SP2: variants seen among roughly 807,000 people sequenced by gnomAD.
The protein encoded by SP2 is transcription factor Sp2.
A neutral mutation model predicts 50.1 loss-of-function variants in SP2; 9 were observed. The ratio of observed to expected loss-of-function variants is 0.18; its 90% confidence interval spans 0.11 to 0.31. The LOEUF is 0.31. SP2 is among the 10% of genes least tolerant of loss of function. The pLI is 1.00. For synonymous variants in SP2, 313 were observed against 326.6 expected (o/e 0.96, Z 0.45); for missense variants, 581 against 806.5 (o/e 0.72, Z 3.39).
intron 1 of SP2, 164 bp downstream of exon 1, chr17:47,896,457 C>T (rs2034334760): frequency 1.9e-6 from 1 of 538,210 alleles, no homozygotes; most frequent in Non-Finnish European, 2.8e-6. Flanking sequence ...GATTCCCGCC[C>T]GGAGGAGGAG....
At position 47,912,276 on chromosome 17, in the gene SP2, G is replaced by T. The variant is rs903485711; in HGVS notation, c.8-3036G>T. Among the ~76,000 whole-genome samples, 37 of 151,964 alleles carry T rather than the reference G, an allele frequency of 2.4e-4. 1 individual carries two copies. The highest frequency in any genetic ancestry group is 5.0e-4 in the Non-Finnish European group (34 of 67,996). On this transcript the variant is annotated intron_variant, in intron 1 of 6. Transcript: ENST00000376741. ...TTACGGGATCTGCATATATAATTTT[G>T]CCCAGAGCTGCCCTCCAGCTCCATA...
At chr17:47,907,532 T>C (rs1281459483) in intron 1 of SP2, among the ~76,000 whole-genome samples, 2 of 152,196 alleles carry the variant, frequency 1.3e-5, no homozygotes, top group Non-Finnish European at 2.9e-5. Flanking sequence ...TTGGGAAAGT[T>C]TTAGCCAACC....
chr17:47,908,477 T>A (rs2034850786), intron 1 of SP2: 1 of 152,350 alleles, frequency 6.6e-6, no homozygotes, highest in South Asian at 2.1e-4. Flanking sequence ...CTTGTATTTT[T>A]ATCAGCAACA....
chr17:47,911,418 G>A (rs1003237077), intron 1 of SP2, among the ~76,000 whole-genome samples: 6 of 150,926 alleles, frequency 4.0e-5, no homozygotes, highest in Admixed American at 4.0e-4. Context: ...AGTGGTGGGT[G>A]CCTGTAATCC....
intron 3 of SP2, 24 bp from the exon 4 acceptor site, chr17:47,922,937 AT>A (rs750913732): frequency 3.8e-6 from 6 of 1,589,624 alleles, no homozygotes; most frequent in Middle Eastern, 1.7e-4. Context: ...CCAGGCACTG[AT>A]TTTTTTTCTC....
intron 1 of SP2, among the ~76,000 whole-genome samples, chr17:47,912,913 G>A (rs1453660322): frequency 6.6e-6 from 1 of 152,046 alleles, no homozygotes; most frequent in African/African-American, 2.4e-5. Context: ...AGGCTGGAGT[G>A]CAGTGGTACG....
chr17:47,897,979 C>A, intron 1 of SP2: 10 of 554,420 alleles, frequency 1.8e-5, no homozygotes, highest in Non-Finnish European at 2.1e-5. Context: ...GGCTTAACCT[C>A]TTTGGTTAAA....
chr17:47,931,356 A>G (rs1162185385), downstream of SP2, among the ~76,000 whole-genome samples: 1 of 151,926 alleles, frequency 6.6e-6, no homozygotes, highest in Admixed American at 6.6e-5. Flanking sequence ...CAAAAAAAAG[A>G]AAAAAAATCA....
At chr17:47,925,308 C>T in intron 5 of SP2, 40 bp from the exon 6 acceptor site, 1 of 1,574,936 alleles carries the variant, frequency 6.3e-7, no homozygotes, top group Non-Finnish European at 8.7e-7. Context: ...TTTCTCTCCT[C>T]TTCCTATTCC....
chr17:47,912,724 C>T (rs1289814089), intron 1 of SP2, among the ~76,000 whole-genome samples: 2 of 152,076 alleles, frequency 1.3e-5, no homozygotes, highest in African/African-American at 4.8e-5. Context: ...GAATTATAGG[C>T]ACGAGTCACT....
Position 47,915,343 on chromosome 17 carries a change from T to C in SP2, c.39T>C (p.Ala13=), listed in dbSNP as rs750961223. 29 of 1,613,310 alleles carry C rather than the reference T, an allele frequency of 1.8e-5. No homozygotes were observed. The highest frequency in any genetic ancestry group is 5.3e-5 in the African/African-American group (4 of 74,872). ...DPQTSMAATA[A]VSPSDYLQPA... is the part of the protein sequence containing the mutation. ...AGACCAGCATGGCTGCCACTGCTGC[T>C]GTGAGTCCCAGTGACTACCTGCAGC... The change falls in exon 2 of 7, where the codon GCT becomes GCC. Residue 13 remains alanine (A), a synonymous_variant. Transcript: ENST00000376741.
In SP2 at chr17:47,923,034, G is replaced by A. The variant is rs1252263204; in HGVS notation, c.1132G>A (p.Ala378Thr). ...VQDSPPATAA[A>T]TSNTTCSSPA... is the part of the protein sequence containing the mutation. ...GGACAGCCCCCCAGCAACAGCTGCAGCCACCTCTAACACCACCTGTAGCAG... is the reference window on the plus strand; with the variant it reads ...GGACAGCCCCCCAGCAACAGCTGCAACCACCTCTAACACCACCTGTAGCAG... The change falls in exon 4 of 7, where the codon GCC becomes ACC. Residue 378 changes from alanine (A) to threonine (T), a missense_variant. Ala to Thr is a moderately conservative substitution (Grantham distance 58, BLOSUM62 0). This residue lies in a region of SP2 where 397 missense variants were observed against 491.0 expected (regional missense o/e 0.81). Coordinates refer to ENST00000376741, the MANE Select transcript of SP2 (RefSeq NM_003110.6). 6.2e-7 allele frequency: 1 copy of A among 1,614,130 alleles called. No homozygotes were observed. Among genetic ancestry groups the A allele is most frequent in the Non-Finnish European group, 8.5e-7 (1 of 1,180,014 alleles).
At chr17:47,904,287 G>A (rs1376905715) in intron 1 of SP2, among the ~76,000 whole-genome samples, 1 of 149,238 alleles carries the variant, frequency 6.7e-6, no homozygotes, top group East Asian at 2.0e-4. Context: ...AAAAGAAGTA[G>A]AAGTAGCCAT....
chr17:47,909,280 C>G (rs1333293534), intron 1 of SP2, among the ~76,000 whole-genome samples: 1 of 152,190 alleles, frequency 6.6e-6, no homozygotes, highest in East Asian at 1.9e-4. Flanking sequence ...ATTGCAGTAG[C>G]CTTTTTGGCA....
At chr17:47,918,912 T>C (rs2052565268) in intron 3 of SP2, among the ~76,000 whole-genome samples, 1 of 152,170 alleles carries the variant, frequency 6.6e-6, no homozygotes, top group African/African-American at 2.4e-5. Context: ...AGTAGCACAG[T>C]TAAGTAGCAG....
chr17:47,906,222 T>C (rs1016392841), intron 1 of SP2, among the ~76,000 whole-genome samples: 2 of 152,128 alleles, frequency 1.3e-5, no homozygotes, highest in African/African-American at 4.8e-5. Flanking sequence ...GGGTACACTA[T>C]AGGGAGATTT....
chr17:47,901,808 C>T (rs967516266), intron 1 of SP2, among the ~76,000 whole-genome samples: 2 of 152,090 alleles, frequency 1.3e-5, no homozygotes, highest in Non-Finnish European at 2.9e-5. Flanking sequence ...TTCCTAAACT[C>T]GCTTTAGGCC....
chr17:47,899,000 G>C (rs905225437), intron 1 of SP2: 5 of 152,244 alleles, frequency 3.3e-5, no homozygotes, highest in Non-Finnish European at 7.3e-5. Flanking sequence ...TTTCTGGGCT[G>C]ATAAATGGAC....
chr17:47,929,124 A>G (rs1394138020), downstream of SP2, among the ~76,000 whole-genome samples: 2 of 152,236 alleles, frequency 1.3e-5, no homozygotes, highest in Admixed American at 6.5e-5. Context: ...GGCCGCGGCC[A>G]CATATACCTC....
Sources: gnomAD v4.1 joint callset for allele counts (sites outside exome capture counted in the v4.1 genomes callset) on GRCh38, gnomAD v4.1.1 for gene constraint, gnomAD v4.1.1 regional missense constraint, MANE v1.5 for transcripts, NCBI Gene and HGNC (gene_info 2026-07-23, HGNC 2026-07-21) for gene names.